GLI1: variants seen among roughly 807,000 people sequenced by gnomAD.
The protein encoded by GLI1 is transcription activator GLI1.
A neutral mutation model predicts 87.8 loss-of-function variants in GLI1; 51 were observed. The observed-to-expected ratio is 0.58, with a 90% CI of 0.46 to 0.73. The LOEUF is 0.73. GLI1 is among the 30% of genes least tolerant of loss of function. The pLI is 0.00. For synonymous variants in GLI1, 528 were observed against 558.2 expected (o/e 0.95, Z 0.76); for missense variants, 1,292 against 1,437.2 (o/e 0.90, Z 1.63).
rs1486780750 is a variant in GLI1 at position 57,465,098 on chromosome 12, C to T, written c.390-13C>T. 1 of 1,613,614 alleles carries T rather than the reference C, an allele frequency of 6.2e-7. No homozygotes were observed. Among genetic ancestry groups the T allele is most frequent in the Admixed American group, 1.7e-5 (1 of 60,030 alleles). On this transcript the variant is annotated splice_polypyrimidine_tract_variant and intron_variant, in intron 4 of 11. Coordinates refer to ENST00000228682, the MANE Select transcript of GLI1 (RefSeq NM_005269.3). ...CCTAATTGTCTTAAGTAACTGCCTC[C>T]TCTCCTCCTCAGCCCATCTCTGGGA...
At chr12:57,469,233 T>C (rs544140015) in intron 10 of GLI1, among the ~76,000 whole-genome samples, 198 bp from the exon 11 acceptor site, 107 of 152,332 alleles carry the variant, frequency 7.0e-4, no homozygotes, top group Middle Eastern at 3.4e-3. Flanking sequence ...GTCCAGCCAG[T>C]CCGTGCTCCA....
Position 57,464,044 on chromosome 12 carries a change from G to A in GLI1, c.146G>A (p.Gly49Asp). 1 of 1,613,946 alleles carries A rather than the reference G, an allele frequency of 6.2e-7. No homozygotes were observed. The highest frequency in any genetic ancestry group is 8.5e-7 in the Non-Finnish European group (1 of 1,179,842). The change falls in exon 3 of 12, where the codon GGC (glycine) becomes GAC (aspartate). Residue 49 changes from glycine (G) to aspartate (D), a missense_variant. Gly to Asp is a moderately conservative substitution (Grantham distance 94). Around this residue, in one of 3 missense-constraint regions of GLI1, gnomAD observed 383 missense variants for 368.4 expected, o/e 1.04. Transcript: ENST00000228682. ...TGCCACCAAGCTAACCTCATGTCCG[G>A]CCCCCACAGTTATGGGCCAGCCAGA... ...PFCHQANLMSGPHSYGPARET... is the reference protein window; with the variant it reads ...PFCHQANLMSDPHSYGPARET...
chr12:57,466,802 G>A (rs1173778109), intron 8 of GLI1, among the ~76,000 whole-genome samples: 1 of 152,132 alleles, frequency 6.6e-6, no homozygotes, highest in Non-Finnish European at 1.5e-5. Context: ...TACTTGGGAG[G>A]ATGAGGCAGA....
rs749032566 is a variant in GLI1, at chr12:57,472,035, AC to A, written c.3296del (p.Thr1099LysfsTer11). On this transcript the variant is annotated frameshift_variant, in exon 12 of 12. Transcript: ENST00000228682. LOFTEE classifies it high-confidence loss of function. The stretch of plus-strand genomic sequence containing the variant: ...CTTACTGAGATCCCTACCTGGGGAA[AC>A]AGAATTCCTCAACTCTAGTGCCTAA... ...SVLLRSLPGE[T>X]EFLNSSA is the part of the protein sequence containing the mutation. The A allele has an allele frequency of 6.6e-7, 1 of 1,509,186 alleles. No individual in the cohort carries two copies. The highest frequency in any genetic ancestry group is 1.3e-5 in the South Asian group (1 of 75,060). The allele number at this position is 1,509,186 out of a possible 1,614,324, so 93.5% of individuals were successfully genotyped here.
chr12:57,471,739 G>A lies in GLI1; in HGVS notation c.2999G>A (p.Gly1000Glu). The A allele has an allele frequency of 6.4e-7, 1 of 1,572,714 alleles. No individual in the cohort carries two copies. Residue 1000 changes from glycine (G) to glutamate (E), a missense_variant, in exon 12 of 12, where the codon GGG becomes GAG. By Grantham distance (98) the Gly-to-Glu change is moderately conservative. Around this residue, in one of 3 missense-constraint regions of GLI1, gnomAD observed 897 missense variants for 1,040.7 expected, o/e 0.86. Transcript: ENST00000228682. This position sits in a 1 kb window ranked among gnomAD's most constrained non-coding sequence, Gnocchi z 4.9. Reference sequence around the variant, plus strand: ...CTGCCCCCATTGCCCACTTGCTATGGGCCTCTCAAAGTGGGAGGCACAAAC... The same window carrying A: ...CTGCCCCCATTGCCCACTTGCTATGAGCCTCTCAAAGTGGGAGGCACAAAC... ...RLLPPLPTCY[G>E]PLKVGGTNPS...
intron 10 of GLI1, among the ~76,000 whole-genome samples, chr12:57,468,723 C>T (rs1318629407): frequency 6.6e-6 from 1 of 151,832 alleles, no homozygotes; most frequent in East Asian, 1.9e-4. Flanking sequence ...CAGCTTCCCA[C>T]AGTGCTGGGA....
In GLI1 at chr12:57,464,213, G is replaced by A. The variant is rs538232853; in HGVS notation, c.193+122G>A. 2.7e-5 allele frequency: 20 copies of A among 745,146 alleles called. 1 individual carries two copies. The highest frequency in any genetic ancestry group is 2.6e-4 in the African/African-American group (15 of 58,144). The allele number at this position is 745,146 out of a possible 1,614,324, so 46.2% of individuals were successfully genotyped here. A position where few individuals can be genotyped will look rare whatever the true frequency, so the allele number is the denominator to read the frequency against. On this transcript the variant is annotated intron_variant, in intron 3 of 11. Transcript: ENST00000228682. The stretch of plus-strand genomic sequence containing the variant: ...ATGCTTGGAGATGTGAGGCGTCAGA[G>A]CACCATCAAGAAGTCACAGATGGGG...
At chr12:57,467,038 C>T (rs1270017138) in intron 8 of GLI1, among the ~76,000 whole-genome samples, 1 of 152,206 alleles carries the variant, frequency 6.6e-6, no homozygotes, top group Non-Finnish European at 1.5e-5. Flanking sequence ...CCCGTTCCCC[C>T]AAGATGACCC....
rs1211062030 is a variant in GLI1, at chr12:57,465,774, C to T, written c.625-14C>T. On this transcript the variant is annotated splice_polypyrimidine_tract_variant and intron_variant, in intron 6 of 11. Coordinates refer to ENST00000228682, the MANE Select transcript of GLI1 (RefSeq NM_005269.3). Reference sequence around the variant, plus strand: ...GTCACCCAAGTGACCCTGAGATTGCCTCTCTTGCCCTAGGATCCCCTGTTG... The same window carrying T: ...GTCACCCAAGTGACCCTGAGATTGCTTCTCTTGCCCTAGGATCCCCTGTTG... The T allele has an allele frequency of 6.2e-7, 1 of 1,614,058 alleles. No individual in the cohort carries two copies. Among genetic ancestry groups the T allele is most frequent in the Non-Finnish European group, 8.5e-7 (1 of 1,179,950 alleles).
rs2228224 is a variant in GLI1 at position 57,471,538 on chromosome 12, G to A, written c.2798G>A (p.Gly933Asp). The A allele has an allele frequency of 0.58, 928,690 of 1,611,922 alleles. 278,661 individuals are homozygous for A. The highest frequency in any genetic ancestry group is 0.65 in the Middle Eastern group (3,946 of 6,056). The change falls in exon 12 of 12, where the codon GGT becomes GAT. Residue 933 changes from glycine to aspartate, a missense_variant. Physicochemically the swap from Gly to Asp is moderately conservative, Grantham distance 94. Coordinates refer to ENST00000228682, the MANE Select transcript of GLI1 (RefSeq NM_005269.3). The surrounding 1 kb of genome is among the most constrained non-coding windows in gnomAD (Gnocchi z 4.9). ...PSYQSPKFLG[G>D]SQVSPSRAKA... ...TACCAGAGTCCCAAGTTTCTGGGGG[G>A]TTCCCAGGTTAGCCCAAGCCGTGCT...
chr12:57,464,228 C>T, intron 3 of GLI1, 137 bp downstream of exon 3: 1 of 699,002 alleles, frequency 1.4e-6, no homozygotes. Context: ...ATCAAGAAGT[C>T]ACAGATGGGG....
At chr12:57,468,321 G>A in intron 10 of GLI1, 97 bp downstream of exon 10, 1 of 754,292 alleles carries the variant, frequency 1.3e-6, no homozygotes. Context: ...TCCTATAGAA[G>A]TCACTCTTCT....
At position 57,469,589 on chromosome 12, in the gene GLI1, C is replaced by T; in HGVS notation, c.1467C>T (p.Gly489=). 1 of 1,614,192 alleles carries T rather than the reference C, an allele frequency of 6.2e-7. No individual in the cohort carries two copies. Among genetic ancestry groups the T allele is most frequent in the Non-Finnish European group, 8.5e-7 (1 of 1,180,036 alleles). The change falls in exon 11 of 12, where the codon GGC becomes GGT. Residue 489 remains glycine, a synonymous_variant. Transcript: ENST00000228682. ...SSLDEGPCIA[G]TGLSTLRRLE... ...TGGACGAGGGACCTTGCATTGCTGG[C>T]ACTGGTCTGTCCACTCTTCGCCGCC...
Position 57,469,441 on chromosome 12 carries a change from C to A in GLI1, c.1319C>A (p.Pro440Gln), listed in dbSNP as rs1347624463. ...TCATCTTCTCCACAGAAGCCACAGC[C>A]AAGCCCTGGGGCCCAGTCATCCTGC... ...TVPEGAMKPQ[P>Q]SPGAQSSCSS... The change falls in exon 11 of 12, where the codon CCA becomes CAA. Residue 440 changes from proline to glutamine, a missense_variant. Transcript: ENST00000228682. 4 of 1,613,784 alleles carry A rather than the reference C, an allele frequency of 2.5e-6. No individual in the cohort carries two copies. The Admixed American group carries it at 6.7e-5, about 27-fold the overall frequency.
intron 5 of GLI1, 169 bp from the exon 6 acceptor site, chr12:57,465,437 AC>A (rs919919341): frequency 2.7e-6 from 2 of 735,220 alleles, no homozygotes; most frequent in Non-Finnish European, 4.5e-6. Flanking sequence ...ATGGGATCCC[AC>A]CTTTTGCCCA....
chr12:57,466,202 G>A, intron 7 of GLI1, 38 bp from the exon 8 acceptor site: 3 of 1,592,430 alleles, frequency 1.9e-6, no homozygotes, highest in Non-Finnish European at 2.6e-6. Context: ...TCAGGGTCAT[G>A]GGAGAGCCTT....
In GLI1 at chr12:57,460,004, T is replaced by C. The variant is rs1207486512; in HGVS notation, c.-225T>C. 6.1e-5 allele frequency: 9 copies of C among 147,404 alleles called. No individual in the cohort carries two copies. The highest frequency in any genetic ancestry group is 6.1e-4 in the Admixed American group (9 of 14,792). 9.1% of individuals were successfully genotyped at this position (147,404 alleles called of 1,614,324 possible). Reference sequence around the variant, plus strand: ...TTTTTGCAAAAGGGAAAAAAAAAGTTTGCGCTTCTCGCGGGTGGTCCGGGC... The same window carrying C: ...TTTTTGCAAAAGGGAAAAAAAAAGTCTGCGCTTCTCGCGGGTGGTCCGGGC... On this transcript the variant is annotated 5_prime_UTR_variant, in exon 1 of 12. Transcript: ENST00000228682.
intron 3 of GLI1, 105 bp from the exon 4 acceptor site, chr12:57,464,568 A>G (rs953629789): frequency 6.8e-6 from 5 of 730,296 alleles, no homozygotes; most frequent in Non-Finnish European, 1.1e-5. Flanking sequence ...AATAGGGCAA[A>G]GCAGAATCAA....
chr12:57,470,016 G>A (rs1278148718), intron 11 of GLI1, among the ~76,000 whole-genome samples: 10 of 152,096 alleles, frequency 6.6e-5, no homozygotes, highest in African/African-American at 1.7e-4. Flanking sequence ...CAACAAGAGC[G>A]AAACTCTGTT....
Sources: allele counts gnomAD v4.1 joint callset (sites outside exome capture counted in the v4.1 genomes callset), GRCh38; gene constraint gnomAD v4.1.1; regional missense constraint gnomAD v4.1.1; non-coding constraint Gnocchi (gnomAD v3.1); transcripts MANE v1.5; gene names NCBI Gene and HGNC (gene_info 2026-07-23, HGNC 2026-07-21).